OSBPL1A: variants seen among roughly 807,000 people sequenced by gnomAD.
OSBPL1A encodes the protein oxysterol binding protein like 1A, also known as oxysterol-binding protein-related protein 1.
Under a neutral mutation model 137.1 loss-of-function variants are expected in OSBPL1A, and 80 were observed. That is an observed-to-expected ratio of 0.58 (90% confidence interval 0.49 to 0.70). OSBPL1A has a LOEUF of 0.70. Among genes scored for constraint, OSBPL1A ranks in the 30% least tolerant of loss-of-function variants. OSBPL1A has a pLI of 0.00. For synonymous variants in OSBPL1A, 365 were observed against 389.7 expected (o/e 0.94, Z 0.75); for missense variants, 970 against 1,129.4 (o/e 0.86, Z 2.02).
At chr18:24,216,857 ATTG>A (rs1337640426) in intron 17 of OSBPL1A, among the ~76,000 whole-genome samples, 3 of 152,090 alleles carry the variant, frequency 2.0e-5, no homozygotes, top group Admixed American at 6.5e-5. Context: ...TACCACTCAG[ATTG>A]TTATTTCTAA....
chr18:24,186,054 C>A (rs2086739019), intron 18 of OSBPL1A, among the ~76,000 whole-genome samples: 1 of 152,032 alleles, frequency 6.6e-6, no homozygotes, highest in South Asian at 2.1e-4. Flanking sequence ...GGTGACACAG[C>A]AAGACCCTGT....
intron 13 of OSBPL1A, among the ~76,000 whole-genome samples, chr18:24,309,828 C>T (rs920986707): frequency 2.6e-5 from 4 of 152,128 alleles, no homozygotes; most frequent in Non-Finnish European, 5.9e-5. Context: ...GGGAGGATCA[C>T]TTGAGGTCAG....
At chr18:24,259,229 C>T (rs995926175) in intron 15 of OSBPL1A, among the ~76,000 whole-genome samples, 7 of 152,056 alleles carry the variant, frequency 4.6e-5, no homozygotes, top group Admixed American at 3.3e-4. Flanking sequence ...TTTTTAACTC[C>T]GTATTAAATA....
intron 4 of OSBPL1A, among the ~76,000 whole-genome samples, chr18:24,356,162 C>A (rs1362783286): frequency 7.2e-6 from 1 of 139,118 alleles, no homozygotes; most frequent in East Asian, 2.2e-4. Flanking sequence ...GGCAACAGGG[C>A]AAGACTCCAT....
At chr18:24,317,278 C>A in intron 10 of OSBPL1A, 49 bp downstream of exon 10, 1 of 1,610,140 alleles carries the variant, frequency 6.2e-7, no homozygotes, top group Non-Finnish European at 8.5e-7. Flanking sequence ...ATTCGTATTT[C>A]AAAATTTATA....
At chr18:24,309,837 AG>A (rs2090579706) in intron 13 of OSBPL1A, among the ~76,000 whole-genome samples, 1 of 152,148 alleles carries the variant, frequency 6.6e-6, no homozygotes, top group African/African-American at 2.4e-5. Flanking sequence ...ACTTGAGGTC[AG>A]GAGCTTGAGA....
At chr18:24,324,081 G>A (rs1340272022) in intron 7 of OSBPL1A, among the ~76,000 whole-genome samples, 1 of 82,248 alleles carries the variant, frequency 1.2e-5, no homozygotes, top group African/African-American at 6.5e-5. Flanking sequence ...AAATTAGCCA[G>A]GAGTGGTGGT....
intron 17 of OSBPL1A, among the ~76,000 whole-genome samples, chr18:24,204,438 T>C (rs185052003): frequency 6.6e-6 from 1 of 152,282 alleles, no homozygotes; most frequent in East Asian, 1.9e-4. Context: ...GTCACCTAGA[T>C]TGTACATGGT....
At chr18:24,181,330 A>C (rs1003082060) in intron 18 of OSBPL1A, 51 bp from the exon 19 acceptor site, 48 of 1,567,726 alleles carry the variant, frequency 3.1e-5, no homozygotes, top group Non-Finnish European at 4.2e-5. Flanking sequence ...ATAACAAACA[A>C]ACCTATTGTT....
intron 17 of OSBPL1A, among the ~76,000 whole-genome samples, chr18:24,217,542 C>T (rs2087746845): frequency 6.6e-6 from 1 of 152,100 alleles, no homozygotes; most frequent in African/African-American, 2.4e-5. Flanking sequence ...CAGGTGTGAA[C>T]CTCTGCACCC....
chr18:24,264,514 C>CTA (rs2089522685), intron 15 of OSBPL1A, among the ~76,000 whole-genome samples: 2 of 152,118 alleles, frequency 1.3e-5, no homozygotes, highest in South Asian at 4.1e-4. Context: ...GCCAGTTTAA[C>CTA]ATTAAGATAA....
intron 5 of OSBPL1A, among the ~76,000 whole-genome samples, chr18:24,339,800 T>G (rs2091242818): frequency 1.3e-5 from 2 of 152,298 alleles, no homozygotes; most frequent in South Asian, 4.1e-4. Context: ...TTAATTTGCT[T>G]GTTCATTGAT....
intron 25 of OSBPL1A, among the ~76,000 whole-genome samples, chr18:24,167,045 A>G (rs565169629): frequency 8.5e-5 from 13 of 152,314 alleles, no homozygotes; most frequent in Middle Eastern, 3.4e-3. Flanking sequence ...GCACCAGCTT[A>G]TATTTAATAA....
In OSBPL1A at chr18:24,179,730, G is replaced by A. The variant is rs2086549369; in HGVS notation, c.1910+8C>T. ...CGCTGTATAAAGCATGCAAGTGAAA[G>A]GCCTCACCGCACTAATTCATAAGTC... is the stretch of plus-strand genomic sequence containing the variant. On this transcript the variant is annotated splice_region_variant and intron_variant, in intron 20 of 27. Transcript: ENST00000319481. The A allele has an allele frequency of 1.9e-6, 3 of 1,611,196 alleles. No individual in the cohort carries two copies. The highest frequency in any genetic ancestry group is 1.7e-5 in the Admixed American group (1 of 60,014).
chr18:24,199,333 C>T (rs1309196434), intron 17 of OSBPL1A, among the ~76,000 whole-genome samples: 1 of 152,076 alleles, frequency 6.6e-6, no homozygotes, highest in East Asian at 1.9e-4. Context: ...CTTGGAATAT[C>T]GGAGAGAGGG....
chr18:24,225,735 G>A (rs2088055261), intron 16 of OSBPL1A, among the ~76,000 whole-genome samples: 1 of 152,188 alleles, frequency 6.6e-6, no homozygotes, highest in Admixed American at 6.5e-5. Flanking sequence ...GCTGGGATGG[G>A]AGGACTGATT....
intron 9 of OSBPL1A, 98 bp from the exon 10 acceptor site, chr18:24,317,498 C>G (rs1335922196): frequency 1.1e-6 from 1 of 940,582 alleles, no homozygotes; most frequent in Non-Finnish European, 1.7e-6. Context: ...ATATTTGAGT[C>G]TTTAGACAGT....
chr18:24,245,453 G>A (rs988392445), intron 15 of OSBPL1A, among the ~76,000 whole-genome samples: 1 of 152,132 alleles, frequency 6.6e-6, no homozygotes, highest in African/African-American at 2.4e-5. Flanking sequence ...TTCACGGTAT[G>A]TGCTTTTAGG....
chr18:24,383,457 G>T (rs1430336315), intron 1 of OSBPL1A, among the ~76,000 whole-genome samples: 1 of 152,144 alleles, frequency 6.6e-6, no homozygotes, highest in East Asian at 1.9e-4. Flanking sequence ...ATATGAAAAG[G>T]ATAAAAATAA....
Sources: allele counts gnomAD v4.1 joint callset (sites outside exome capture counted in the v4.1 genomes callset), GRCh38; gene constraint gnomAD v4.1.1; transcripts MANE v1.5; gene names NCBI Gene and HGNC (gene_info 2026-07-23, HGNC 2026-07-21).